The following SLC44A2 variants were observed in gnomAD, a reference collection of about 807,000 sequenced individuals.
SLC44A2 encodes the protein choline transporter-like protein 2.
In SLC44A2, 57 loss-of-function variants were observed where a neutral mutation model predicts 90.8. That is an observed-to-expected ratio of 0.63 (90% confidence interval 0.51 to 0.78). The LOEUF (loss-of-function observed/expected upper bound fraction) is 0.78, where lower values mean the gene tolerates loss of function less well. Ranked by LOEUF, SLC44A2 falls within the 30% of genes least tolerant of loss-of-function variation. The probability of loss-of-function intolerance (pLI) is 0.00; values close to 1 mark genes in which losing one functional copy is unlikely to be tolerated. For missense variants in SLC44A2, 794 were observed against 919.7 expected (o/e 0.86, Z 1.77); for synonymous variants, 355 against 360.7 (o/e 0.98, Z 0.18).
chr19:10,603,424 C>T (rs1194937622), intron 1 of SLC44A2, among the ~76,000 whole-genome samples: 1 of 152,214 alleles, frequency 6.6e-6, no homozygotes, highest in East Asian at 1.9e-4. Context: ...GGCAAAGAAG[C>T]ACTGTCGCGC....
intron 3 of SLC44A2, 37 bp from the exon 4 acceptor site, chr19:10,627,883 A>G: frequency 1.2e-6 from 2 of 1,611,714 alleles, no homozygotes; most frequent in Non-Finnish European, 1.7e-6. Flanking sequence ...GGATCTGAGG[A>G]GTGGCAGTGT....
intron 4 of SLC44A2, among the ~76,000 whole-genome samples, chr19:10,629,285 T>TTATTATTATTATTAC (rs1214133919): frequency 6.7e-6 from 1 of 148,262 alleles, no homozygotes; most frequent in African/African-American, 2.5e-5. Flanking sequence ...ATTATTACTA[T>TTATTATTATTATTAC]TATTATTTTG....
intron 1 of SLC44A2, among the ~76,000 whole-genome samples, chr19:10,615,909 G>T (rs1393724531): frequency 1.3e-5 from 2 of 151,828 alleles, no homozygotes; most frequent in Non-Finnish European, 2.9e-5. Context: ...TCACACCTGT[G>T]ATCCCAGCAC....
At chr19:10,603,746 C>A (rs1390157824) in intron 1 of SLC44A2, among the ~76,000 whole-genome samples, 3 of 152,230 alleles carry the variant, frequency 2.0e-5, no homozygotes, top group Admixed American at 6.5e-5. Context: ...CAAATTCCAG[C>A]CCCAGTGGCT....
At chr19:10,628,599 C>T (rs1249094045) in intron 4 of SLC44A2, among the ~76,000 whole-genome samples, 1 of 152,150 alleles carries the variant, frequency 6.6e-6, no homozygotes, top group Non-Finnish European at 1.5e-5. Context: ...CGTCCCACTA[C>T]CCTCAGCCAC....
intron 1 of SLC44A2, among the ~76,000 whole-genome samples, chr19:10,605,695 A>T (rs983643141): frequency 6.6e-6 from 1 of 151,608 alleles, no homozygotes; most frequent in African/African-American, 2.4e-5. Flanking sequence ...TCAAAAAAAA[A>T]AAAGGACTCT....
intron 16 of SLC44A2, chr19:10,637,411 G>T: frequency 3.7e-6 from 2 of 535,934 alleles, no homozygotes; most frequent in Non-Finnish European, 3.3e-6. Flanking sequence ...GGCTGGGATT[G>T]ATGGTACTTT....
chr19:10,641,885 C>T (rs948208636), intron 20 of SLC44A2, among the ~76,000 whole-genome samples: 1 of 150,950 alleles, frequency 6.6e-6, no homozygotes, highest in Non-Finnish European at 1.5e-5. Context: ...GCCGGGTGTG[C>T]GGTGGCTCAC....
At chr19:10,641,234 A>G in intron 20 of SLC44A2, 1 of 352,976 alleles carries the variant, frequency 2.8e-6, no homozygotes, top group Non-Finnish European at 5.6e-6. Context: ...CTCCACAAAA[A>G]AATACAAAAA....
intron 1 of SLC44A2, among the ~76,000 whole-genome samples, chr19:10,613,452 C>T (rs565626314): frequency 1.7e-3 from 260 of 152,112 alleles, no homozygotes; most frequent in African/African-American, 5.9e-3. Flanking sequence ...GGTTTCACCA[C>T]GTTGGACAGG....
intron 20 of SLC44A2, among the ~76,000 whole-genome samples, chr19:10,640,391 A>G (rs1335133907): frequency 6.6e-6 from 1 of 152,098 alleles, no homozygotes; most frequent in Non-Finnish European, 1.5e-5. Context: ...GTGCCTGGCC[A>G]TTTCATTGTT....
Position 10,638,257 on chromosome 19 carries a change from G to A in SLC44A2, c.1871G>A (p.Arg624His), listed in dbSNP as rs767907543. The change falls in exon 20 of 22, where the codon CGT becomes CAT. Residue 624 changes from arginine (R) to histidine (H), a missense_variant. Physicochemically the swap from Arg to His is conservative, Grantham distance 29. Around this residue, in one of 3 missense-constraint regions of SLC44A2, gnomAD observed 738 missense variants for 841.1 expected, o/e 0.88. Coordinates refer to ENST00000335757, the MANE Select transcript of SLC44A2 (RefSeq NM_020428.4). ...CTGGCTTTCTTCTTCTTCACCCACC[G>A]TATCAGGATCGTGCAGGATACAGCA... ...GILAFFFFTH[R>H]IRIVQDTAPP... 75 of 1,613,780 alleles carry A rather than the reference G, an allele frequency of 4.6e-5. No individual in the cohort carries two copies. The highest frequency in any genetic ancestry group is 1.6e-4 in the Middle Eastern group (1 of 6,084).
intron 2 of SLC44A2, among the ~76,000 whole-genome samples, chr19:10,627,453 A>G (rs113922991): frequency 0.034 from 5,121 of 152,108 alleles, 238 homozygotes; most frequent in East Asian, 0.11. Context: ...AGGCAGGAGG[A>G]TCACTTGAGC....
chr19:10,641,062 G>T (rs1299299303), intron 20 of SLC44A2: 1 of 427,684 alleles, frequency 2.3e-6, no homozygotes. Flanking sequence ...ACTCCAGCCT[G>T]GGTGACAGAG....
At chr19:10,608,475 A>G (rs998421515) in intron 1 of SLC44A2, among the ~76,000 whole-genome samples, 2 of 152,094 alleles carry the variant, frequency 1.3e-5, no homozygotes, top group African/African-American at 4.8e-5. Context: ...TTGGAAATAC[A>G]TACATAAAAG....
chr19:10,632,006 A>C (rs1327000437), intron 9 of SLC44A2, 38 bp from the exon 10 acceptor site: 2 of 1,613,526 alleles, frequency 1.2e-6, no homozygotes, highest in Admixed American at 3.3e-5. Flanking sequence ...AGCCTGGCTG[A>C]GGGTGGAGTC....
At chr19:10,608,798 G>A (rs1918193922) in intron 1 of SLC44A2, among the ~76,000 whole-genome samples, 1 of 150,976 alleles carries the variant, frequency 6.6e-6, no homozygotes, top group Non-Finnish European at 1.5e-5. Flanking sequence ...TACAAGATTC[G>A]AGTTACCGTG....
chr19:10,643,730 G>A lies in SLC44A2; in HGVS notation c.*345G>A, dbSNP rs970362253. On this transcript the variant is annotated 3_prime_UTR_variant, in exon 22 of 22. Transcript: ENST00000335757. ...CGACAACGGGCCAGACCACAGGAAG[G>A]ACGGTGTTTGTGTCTGAGGGAGCTG... 18 of 214,622 alleles carry A rather than the reference G, an allele frequency of 8.4e-5. No individual in the cohort carries two copies. The highest frequency in any genetic ancestry group is 1.7e-4 in the Non-Finnish European group (18 of 105,980). 13.3% of individuals were successfully genotyped at this position (214,622 alleles called of 1,614,324 possible). A position where few individuals can be genotyped will look rare whatever the true frequency, so the allele number is the denominator to read the frequency against.
intron 1 of SLC44A2, among the ~76,000 whole-genome samples, chr19:10,617,269 C>T (rs1407424281): frequency 2.0e-5 from 3 of 152,094 alleles, no homozygotes; most frequent in Admixed American, 6.6e-5. Flanking sequence ...ATAGCGAGTT[C>T]CCATCCTGCG....
Sources: allele counts gnomAD v4.1 joint callset (sites outside exome capture counted in the v4.1 genomes callset), GRCh38; gene constraint gnomAD v4.1.1; regional missense constraint gnomAD v4.1.1; transcripts MANE v1.5; gene names NCBI Gene and HGNC (gene_info 2026-07-23, HGNC 2026-07-21).